Variants in GAS7 observed in about 807,000 individuals in gnomAD.
The protein encoded by GAS7 is growth arrest-specific protein 7.
In GAS7, 28 loss-of-function variants were observed where a neutral mutation model predicts 71.1. That is an observed-to-expected ratio of 0.39 (90% confidence interval 0.29 to 0.54). The LOEUF (loss-of-function observed/expected upper bound fraction) is 0.54, where lower values mean the gene tolerates loss of function less well. Among genes scored for constraint, GAS7 ranks in the 20% least tolerant of loss-of-function variants. The pLI is 0.62. For synonymous variants in GAS7, 258 were observed against 245.8 expected, an observed-to-expected ratio of 1.05 and a Z score of -0.46; for missense variants, 436 against 627.8, an observed-to-expected ratio of 0.69 and a Z score of 3.27.
At chr17:9,980,310 C>A (rs2070365500) in intron 3 of GAS7, among the ~76,000 whole-genome samples, 1 of 152,198 alleles carries the variant, frequency 6.6e-6, no homozygotes, top group African/African-American at 2.4e-5. Context: ...AGACTCCCTG[C>A]TCTGAAAGGT....
At chr17:9,953,082 A>G (rs1409046784) in intron 5 of GAS7, among the ~76,000 whole-genome samples, 1 of 151,912 alleles carries the variant, frequency 6.6e-6, no homozygotes, top group Non-Finnish European at 1.5e-5. Context: ...TAGCAAAAAC[A>G]TGGAATCAAC....
Position 9,981,962 on chromosome 17 carries a change from T to C in GAS7, c.305-78A>G, listed in dbSNP as rs1368067647. The C allele has an allele frequency of 4.4e-5, 36 of 816,504 alleles. No individual in the cohort carries two copies. Among genetic ancestry groups the C allele is most frequent in the Non-Finnish European group, 7.5e-5 (35 of 464,262 alleles). 50.6% of individuals were successfully genotyped at this position (816,504 alleles called of 1,614,324 possible). On this transcript the variant is annotated intron_variant, in intron 2 of 13. Transcript: ENST00000432992. The surrounding 1 kb of genome is among the most constrained non-coding windows in gnomAD (Gnocchi z 4.4). ...CTGAGTTTCACAGAGCAGAAGGAGA[T>C]GCTCAGAGCTGGAGAAAAAGAGAGA...
chr17:9,914,707 T>C lies in GAS7; in HGVS notation c.*2521A>G, dbSNP rs1000130039. 6 of 221,042 alleles carry C rather than the reference T, an allele frequency of 2.7e-5. No individual in the cohort carries two copies. Among genetic ancestry groups the C allele is most frequent in the Admixed American group, 5.8e-5 (1 of 17,386 alleles). 13.7% of individuals were successfully genotyped at this position (221,042 alleles called of 1,614,324 possible). A position where few individuals can be genotyped will look rare whatever the true frequency, so the allele number is the denominator to read the frequency against. The stretch of plus-strand genomic sequence containing the variant: ...ATAAAGAATCCCAGAGGGTTAAGTG[T>C]GGAGAGGGTACAATGTTCTTATTAT... On this transcript the variant is annotated 3_prime_UTR_variant, in exon 14 of 14. Transcript: ENST00000432992.
intron 2 of GAS7, among the ~76,000 whole-genome samples, chr17:9,985,747 TGA>T (rs1014241524): frequency 7.2e-5 from 11 of 152,084 alleles, no homozygotes; most frequent in African/African-American, 2.7e-4. Flanking sequence ...ATGACTGGGG[TGA>T]GAGGGGATCA....
chr17:10,163,959 T>G (rs887516288), intron 1 of GAS7, among the ~76,000 whole-genome samples: 1 of 152,176 alleles, frequency 6.6e-6, no homozygotes, highest in African/African-American at 2.4e-5. Flanking sequence ...AAGAAACCGC[T>G]TGGGACATGA....
intron 1 of GAS7, among the ~76,000 whole-genome samples, chr17:10,190,552 C>T (rs548779930): frequency 1.3e-5 from 2 of 150,924 alleles, no homozygotes; most frequent in South Asian, 4.2e-4. Flanking sequence ...TACACTCCAG[C>T]CTGAGCGACA....
At chr17:10,038,769 G>A (rs749366929) in intron 1 of GAS7, among the ~76,000 whole-genome samples, 5 of 148,164 alleles carry the variant, frequency 3.4e-5, no homozygotes, top group African/African-American at 5.0e-5. Context: ...GCGCAATCTC[G>A]GCTCACTGCA....
chr17:10,097,464 G>A (rs748102307), intron 1 of GAS7, among the ~76,000 whole-genome samples: 1 of 152,174 alleles, frequency 6.6e-6, no homozygotes, highest in Non-Finnish European at 1.5e-5. Context: ...GGGGCACACA[G>A]CTCACCTCCA....
chr17:10,066,921 A>G (rs2152244984), intron 1 of GAS7, among the ~76,000 whole-genome samples: 1 of 152,316 alleles, frequency 6.6e-6, no homozygotes, highest in South Asian at 2.1e-4. Context: ...TGCTTGATCT[A>G]GCTGGACAAT....
At chr17:10,000,346 T>C (rs1426520967) in intron 2 of GAS7, among the ~76,000 whole-genome samples, 1 of 152,158 alleles carries the variant, frequency 6.6e-6, no homozygotes, top group African/African-American at 2.4e-5. Flanking sequence ...GGCAGGGTTT[T>C]CTCTGCACCA....
At chr17:10,054,653 G>C (rs919301878) in intron 1 of GAS7, among the ~76,000 whole-genome samples, 4 of 152,162 alleles carry the variant, frequency 2.6e-5, no homozygotes, top group African/African-American at 9.7e-5. Flanking sequence ...GGGGTTCCCT[G>C]GTTCTAACGA....
rs59380311 is a variant in GAS7 at position 10,078,053 on chromosome 17, TTGTGTGTGTG to T, written c.184-58166_184-58157del. Reference sequence around the variant, plus strand: ...ATGCGGAAGTTTGTTGTTTTTTCTGTTGTGTGTGTGTGTGTGTGTGTGTGTGTTTTGTTTT... The same window carrying T: ...ATGCGGAAGTTTGTTGTTTTTTCTGTTGTGTGTGTGTGTGTGTTTTGTTTT... On this transcript the variant is annotated intron_variant, in intron 1 of 13. Transcript: ENST00000432992. Among the ~76,000 whole-genome samples the T allele has an allele frequency of 1.1e-4, 16 of 146,426 alleles. No individual in the cohort carries two copies. In the South Asian group the frequency reaches 1.8e-3, roughly 16 times the overall value.
intron 5 of GAS7, among the ~76,000 whole-genome samples, chr17:9,950,189 C>T (rs2068950569): frequency 6.6e-6 from 1 of 151,894 alleles, no homozygotes. Flanking sequence ...AAATGTGTAA[C>T]TTCTAAGAAT....
chr17:10,106,780 GCC>G (rs3076189), intron 1 of GAS7, among the ~76,000 whole-genome samples: 71,574 of 151,672 alleles, frequency 0.47, 17,460 homozygotes, highest in East Asian at 0.58. Flanking sequence ...GCTTGAAAGT[GCC>G]CCCCCCCCCA....
chr17:10,180,249 G>A (rs974566260), intron 1 of GAS7, among the ~76,000 whole-genome samples: 2 of 148,536 alleles, frequency 1.3e-5, no homozygotes, highest in African/African-American at 2.5e-5. Flanking sequence ...GCTGAGACAG[G>A]AGAATCGCTT....
intron 1 of GAS7, among the ~76,000 whole-genome samples, chr17:10,131,810 G>C (rs1286565302): frequency 6.6e-6 from 1 of 152,048 alleles, no homozygotes; most frequent in African/African-American, 2.4e-5. Context: ...TACATAAATA[G>C]ACGGGCTCGA....
intron 12 of GAS7, among the ~76,000 whole-genome samples, chr17:9,918,936 T>C (rs2152066321): frequency 6.6e-6 from 1 of 152,254 alleles, no homozygotes; most frequent in South Asian, 2.1e-4. Flanking sequence ...TCTGCTCTGG[T>C]GGGCTGACAC....
chr17:9,938,250 C>T lies in GAS7; in HGVS notation c.806+1876G>A, dbSNP rs540206283. ...GGCCAGGCGCGATGGATCACGCCTA[C>T]AATTCCAGCACTTTGGGAGGCCAAG... On this transcript the variant is annotated intron_variant, in intron 8 of 13. Transcript: ENST00000432992. 2.6e-5 allele frequency among the ~76,000 whole-genome samples: 4 copies of T among 152,034 alleles called. No homozygotes were observed. In the South Asian group the frequency reaches 8.3e-4, roughly 32 times the overall value.
intron 2 of GAS7, among the ~76,000 whole-genome samples, chr17:10,000,947 C>A (rs577991149): frequency 6.6e-6 from 1 of 152,292 alleles, no homozygotes; most frequent in East Asian, 1.9e-4. Context: ...CAGCCTGGCA[C>A]ACTCCTTCTC....
Sources: allele counts gnomAD v4.1 joint callset (sites outside exome capture counted in the v4.1 genomes callset), GRCh38; gene constraint gnomAD v4.1.1; non-coding constraint Gnocchi (gnomAD v3.1); transcripts MANE v1.5; gene names NCBI Gene and HGNC (gene_info 2026-07-23, HGNC 2026-07-21).